The following LRRC37A2 variants were observed in gnomAD, a reference collection of about 807,000 sequenced individuals.
LRRC37A2 encodes the protein leucine-rich repeat-containing protein 37A2.
Under a neutral mutation model 68.8 loss-of-function variants are expected in LRRC37A2, and 9 were observed. That is an observed-to-expected ratio of 0.13 (90% CI 0.08 to 0.23). The LOEUF (loss-of-function observed/expected upper bound fraction) is 0.23. LRRC37A2 is among the 10% of genes least tolerant of loss of function. The pLI, the probability that LRRC37A2 is intolerant of heterozygous loss-of-function variation, is 1.00. For synonymous variants in LRRC37A2, 63 were observed against 367.6 expected (o/e 0.17, Z 9.48); for missense variants, 168 against 950.4 (o/e 0.18, Z 10.82).
the LRRC37A2 span, among the ~76,000 whole-genome samples, chr17:47,029,908 C>T: frequency 6.6e-6 from 1 of 151,526 alleles, no homozygotes; most frequent in African/African-American, 2.4e-5. Flanking sequence ...ACTAAAAATA[C>T]AAAAATTAGC....
the LRRC37A2 span, among the ~76,000 whole-genome samples, chr17:46,833,780 A>G: frequency 5.8e-4 from 89 of 152,302 alleles, 1 homozygote; most frequent in Middle Eastern, 6.8e-3. Flanking sequence ...TCTGCCTGCT[A>G]GAAACTGCTG....
At chr17:46,626,027 A>C in the LRRC37A2 span, among the ~76,000 whole-genome samples, 2 of 149,240 alleles carry the variant, frequency 1.3e-5, no homozygotes. Context: ...TAATTTCTGA[A>C]CAGGGAATTA....
chr17:47,000,043 TAA>T, the LRRC37A2 span, among the ~76,000 whole-genome samples: 11 of 25,686 alleles, frequency 4.3e-4, no homozygotes, highest in Admixed American at 7.3e-4. Flanking sequence ...TAAAATAAAA[TAA>T]AATAAAATAA....
the LRRC37A2 span, among the ~76,000 whole-genome samples, chr17:46,710,098 A>G: frequency 6.6e-6 from 1 of 152,354 alleles, no homozygotes; most frequent in East Asian, 1.9e-4. Context: ...CAGGTAATCA[A>G]AAGTTGAATT....
the LRRC37A2 span, among the ~76,000 whole-genome samples, chr17:46,905,741 A>G: frequency 6.6e-6 from 1 of 151,786 alleles, no homozygotes; most frequent in South Asian, 2.1e-4. Flanking sequence ...CAAACAGCCA[A>G]GTCATTAATC....
the LRRC37A2 span, among the ~76,000 whole-genome samples, chr17:47,009,799 C>T: frequency 6.6e-6 from 1 of 152,228 alleles, no homozygotes; most frequent in South Asian, 2.1e-4. Context: ...ACTTAGAAGT[C>T]CCTTGTACTT....
chr17:46,911,878 G>A, the LRRC37A2 span, among the ~76,000 whole-genome samples: 6 of 152,174 alleles, frequency 3.9e-5, no homozygotes, highest in South Asian at 4.2e-4. Flanking sequence ...ATGAGACTCC[G>A]TCTCAAAATA....
At chr17:46,740,056 C>A in the LRRC37A2 span, among the ~76,000 whole-genome samples, 1 of 152,152 alleles carries the variant, frequency 6.6e-6, no homozygotes, top group Non-Finnish European at 1.5e-5. Context: ...GGCACTGTGT[C>A]TAGTGGGTAA....
the LRRC37A2 span, among the ~76,000 whole-genome samples, chr17:46,973,831 C>T: frequency 2.0e-5 from 3 of 152,230 alleles, no homozygotes; most frequent in South Asian, 2.1e-4. Context: ...CATGTGTACA[C>T]GTATACCTTT....
chr17:46,914,650 C>CGAA, the LRRC37A2 span, among the ~76,000 whole-genome samples: 1 of 72,510 alleles, frequency 1.4e-5, no homozygotes. Context: ...GACTCCACCT[C>CGAA]AAAAAAAAAA....
At chr17:46,998,083 C>G in the LRRC37A2 span, among the ~76,000 whole-genome samples, 1 of 152,008 alleles carries the variant, frequency 6.6e-6, no homozygotes, top group East Asian at 1.9e-4. Flanking sequence ...TTATTTGGAT[C>G]TTGATTTAAT....
the LRRC37A2 span, among the ~76,000 whole-genome samples, chr17:46,786,162 C>T: frequency 7.0e-6 from 1 of 142,174 alleles, no homozygotes; most frequent in African/African-American, 2.6e-5. Flanking sequence ...AAATTGTGGT[C>T]CGGGGCATGG....
At chr17:46,939,046 G>GCTTTGT in the LRRC37A2 span, 1 of 1,266,266 alleles carries the variant, frequency 7.9e-7, no homozygotes, top group Non-Finnish European at 1.0e-6. Flanking sequence ...AATGGCTTTG[G>GCTTTGT]TGGCTTTGTT....
chr17:46,781,658 G>A, the LRRC37A2 span, among the ~76,000 whole-genome samples: 1 of 152,168 alleles, frequency 6.6e-6, no homozygotes, highest in Admixed American at 6.5e-5. Context: ...AGACGGTGGT[G>A]ATGGTCACAC....
chr17:47,001,835 C>T, the LRRC37A2 span, among the ~76,000 whole-genome samples: 1 of 150,888 alleles, frequency 6.6e-6, no homozygotes. Flanking sequence ...GATTCTCCTG[C>T]CTCAGCCTCC....
At chr17:46,914,650 CAAAAAAAA>C in the LRRC37A2 span, among the ~76,000 whole-genome samples, 3 of 72,504 alleles carry the variant, frequency 4.1e-5, no homozygotes, top group African/African-American at 1.2e-4. Flanking sequence ...GACTCCACCT[CAAAAAAAA>C]AAAAAAAAAA....
the LRRC37A2 span, chr17:47,018,950 A>C: frequency 6.6e-7 from 1 of 1,519,744 alleles, no homozygotes; most frequent in South Asian, 1.1e-5. Context: ...GAATATATCA[A>C]GGGGTAACAA....
the LRRC37A2 span, among the ~76,000 whole-genome samples, chr17:46,918,911 C>T: frequency 6.6e-6 from 1 of 152,220 alleles, no homozygotes; most frequent in South Asian, 2.1e-4. Flanking sequence ...GTTTTCCCCA[C>T]TGGCCTTATC....
chr17:46,923,127 A>C, the LRRC37A2 span: 2 of 1,125,318 alleles, frequency 1.8e-6, no homozygotes, highest in Non-Finnish European at 2.6e-6. Context: ...GGAAACCGGA[A>C]GGGGGGCTGT....
Sources: allele counts gnomAD v4.1 joint callset (sites outside exome capture counted in the v4.1 genomes callset), GRCh38; gene constraint gnomAD v4.1.1; transcripts MANE v1.5; gene names NCBI Gene and HGNC (gene_info 2026-07-23, HGNC 2026-07-21).